The following KIAA1217 variants were observed in gnomAD, a reference collection of about 807,000 sequenced individuals.
KIAA1217 encodes KIAA1217.
In KIAA1217, 88 loss-of-function variants were observed where a neutral mutation model predicts 163.9. The ratio of observed to expected loss-of-function variants is 0.54; its 90% CI spans 0.45 to 0.64. The LOEUF is 0.64. Ranked by LOEUF, KIAA1217 falls within the 30% of genes least tolerant of loss-of-function variation. KIAA1217 has a pLI of 0.00. For missense variants in KIAA1217, 2,372 were observed against 2,475.0 expected, an observed-to-expected ratio of 0.96 and a Z score of 0.88; for synonymous variants, 903 against 923.1, an observed-to-expected ratio of 0.98 and a Z score of 0.39.
At position 24,473,677 on chromosome 10, in the gene KIAA1217, G is replaced by A. The variant is rs768641292; in HGVS notation, c.1296G>A (p.Ala432=). Residue 432 remains alanine (A), a synonymous_variant, in exon 6 of 21, where the codon GCG becomes GCA. Transcript: ENST00000376454. Reference sequence around the variant, plus strand: ...ATCACCGCACCGCCATCCGGTCAGCGAGTGCTTATTGTAACCCCTCAATGC... The same window carrying A: ...ATCACCGCACCGCCATCCGGTCAGCAAGTGCTTATTGTAACCCCTCAATGC... ...IAYHRTAIRS[A]SAYCNPSMQA... 8.1e-5 allele frequency: 131 copies of A among 1,613,924 alleles called. No individual in the cohort carries two copies. Among genetic ancestry groups the A allele is most frequent in the Non-Finnish European group, 1.0e-4 (121 of 1,180,016 alleles).
chr10:24,349,730 A>G (rs529505946), intron 2 of KIAA1217, among the ~76,000 whole-genome samples: 4 of 152,354 alleles, frequency 2.6e-5, no homozygotes, highest in East Asian at 1.9e-4. Flanking sequence ...GGATGCATTG[A>G]ACATCTTTAG....
At chr10:23,877,176 A>G (rs994158188) in intron 1 of KIAA1217, among the ~76,000 whole-genome samples, 1 of 151,874 alleles carries the variant, frequency 6.6e-6, no homozygotes, top group African/African-American at 2.4e-5. Context: ...TTTTTAAGTG[A>G]TACTGAAGTT....
intron 17 of KIAA1217, among the ~76,000 whole-genome samples, chr10:24,539,912 C>T (rs947088562): frequency 5.3e-5 from 8 of 152,148 alleles, no homozygotes; most frequent in Non-Finnish European, 1.2e-4. Flanking sequence ...GTTTATTGTC[C>T]ATATGCCTAT....
At chr10:23,787,240 A>G (rs1835533612) in intron 1 of KIAA1217, among the ~76,000 whole-genome samples, 1 of 152,174 alleles carries the variant, frequency 6.6e-6, no homozygotes, top group Non-Finnish European at 1.5e-5. Flanking sequence ...GATAAATACA[A>G]AAATCCTCTT....
At chr10:24,332,117 C>T (rs1018523840) in intron 2 of KIAA1217, among the ~76,000 whole-genome samples, 16 of 152,180 alleles carry the variant, frequency 1.1e-4, no homozygotes, top group African/African-American at 3.6e-4. Context: ...GTCAGGTTGT[C>T]TGTTTTCTTT....
chr10:23,859,800 T>C (rs980703981), intron 1 of KIAA1217, among the ~76,000 whole-genome samples: 2 of 152,140 alleles, frequency 1.3e-5, no homozygotes, highest in Non-Finnish European at 2.9e-5. Context: ...CTCATTAAAG[T>C]GTCACTGTGT....
intron 2 of KIAA1217, among the ~76,000 whole-genome samples, chr10:24,043,445 C>T (rs1848761556): frequency 6.6e-6 from 1 of 152,054 alleles, no homozygotes; most frequent in South Asian, 2.1e-4. Context: ...GTGCCCTGTA[C>T]TATTTCGAAG....
chr10:24,083,420 G>A (rs934180378), intron 2 of KIAA1217, among the ~76,000 whole-genome samples: 4 of 152,172 alleles, frequency 2.6e-5, no homozygotes, highest in Non-Finnish European at 5.9e-5. Flanking sequence ...TCATCTCTTG[G>A]TGAAGGTATT....
At chr10:24,504,061 C>T (rs1440372901) in intron 9 of KIAA1217, among the ~76,000 whole-genome samples, 1 of 152,174 alleles carries the variant, frequency 6.6e-6, no homozygotes, top group African/African-American at 2.4e-5. Flanking sequence ...CAGCGTCACC[C>T]CATCAGTGGC....
intron 2 of KIAA1217, among the ~76,000 whole-genome samples, chr10:24,338,363 A>G (rs1485517619): frequency 6.6e-6 from 1 of 152,170 alleles, no homozygotes; most frequent in African/African-American, 2.4e-5. Flanking sequence ...ATCTTAAGCA[A>G]TCTTCTTAGC....
intron 14 of KIAA1217, among the ~76,000 whole-genome samples, chr10:24,529,798 AT>A (rs34277036): frequency 0.015 from 1,952 of 132,058 alleles, 11 homozygotes; most frequent in Non-Finnish European, 0.019. Flanking sequence ...AGCTCATCAC[AT>A]TTTTTTTTTT....
chr10:24,151,266 G>T (rs1346615727), intron 2 of KIAA1217, among the ~76,000 whole-genome samples: 1 of 151,854 alleles, frequency 6.6e-6, no homozygotes, highest in East Asian at 1.9e-4. Context: ...GGGCTGCTTG[G>T]ACTGAATTTC....
chr10:23,858,132 C>T (rs749018105), intron 1 of KIAA1217, among the ~76,000 whole-genome samples: 7 of 151,982 alleles, frequency 4.6e-5, no homozygotes, highest in East Asian at 1.9e-4. Context: ...ACTCAAGAAA[C>T]GGGAGCCAAG....
chr10:23,878,082 G>C (rs1236969896), intron 1 of KIAA1217, among the ~76,000 whole-genome samples: 1 of 151,712 alleles, frequency 6.6e-6, no homozygotes. Context: ...TTTTTTTCTT[G>C]GCAGGGAGGC....
chr10:23,885,524 G>A (rs535287431), intron 1 of KIAA1217, among the ~76,000 whole-genome samples: 1 of 152,100 alleles, frequency 6.6e-6, no homozygotes, highest in Admixed American at 6.5e-5. Context: ...CACATAGGGA[G>A]CAAGTTATAA....
chr10:24,449,613 C>A (rs2061236123), intron 5 of KIAA1217: 1 of 985,368 alleles, frequency 1.0e-6, no homozygotes, highest in Non-Finnish European at 1.2e-6. Context: ...CATATTTTGA[C>A]TAAAAGCTTC....
chr10:24,109,555 G>A (rs935950599), intron 2 of KIAA1217, among the ~76,000 whole-genome samples: 2 of 152,090 alleles, frequency 1.3e-5, no homozygotes, highest in Admixed American at 1.3e-4. Flanking sequence ...CTGGAGGGTG[G>A]GGTAGGAAGT....
rs1368922347 is a variant in KIAA1217, at chr10:24,543,779, TAAG to T, written c.4513_4515del (p.Lys1505del). The T allele has an allele frequency of 3.7e-6, 6 of 1,613,516 alleles. No individual in the cohort carries two copies. Among genetic ancestry groups the T allele is most frequent in the Non-Finnish European group, 5.1e-6 (6 of 1,179,812 alleles). On this transcript the variant is annotated inframe_deletion, in exon 19 of 21. Transcript: ENST00000376454. Reference sequence around the variant, plus strand: ...ATAATAACACTTCCCAGATGTCTCATAAGAAGGTGGCCCCAGGCAATCTTAGAA... The same window carrying T: ...ATAATAACACTTCCCAGATGTCTCATAAGGTGGCCCCAGGCAATCTTAGAA...
intron 1 of KIAA1217, among the ~76,000 whole-genome samples, chr10:23,818,351 A>AAAAATATATATATATAT (rs374977941): frequency 7.4e-6 from 1 of 134,908 alleles, no homozygotes; most frequent in African/African-American, 2.8e-5. Flanking sequence ...TATATAAAAA[A>AAAAATATATATATATAT]ATATATATAT....
Sources: allele counts gnomAD v4.1 joint callset (sites outside exome capture counted in the v4.1 genomes callset), GRCh38; gene constraint gnomAD v4.1.1; transcripts MANE v1.5; gene names NCBI Gene and HGNC (gene_info 2026-07-23, HGNC 2026-07-21).